SPOCK1: variants seen among roughly 807,000 people sequenced by gnomAD.
SPOCK1 encodes the protein testican-1.
Under a neutral mutation model 55.3 loss-of-function variants are expected in SPOCK1, and 23 were observed. The ratio of observed to expected loss-of-function variants is 0.42; its 90% CI spans 0.30 to 0.59. The LOEUF is 0.59. Among genes scored for constraint, SPOCK1 ranks in the 20% least tolerant of loss-of-function variants. The probability of loss-of-function intolerance (pLI) is 0.22; values close to 1 mark genes in which losing one functional copy is unlikely to be tolerated. For missense variants in SPOCK1, 499 were observed against 552.5 expected (o/e 0.90, Z 0.97); for synonymous variants, 226 against 221.0 (o/e 1.02, Z -0.20).
chr5:137,177,784 G>T (rs1019241231), intron 3 of SPOCK1, among the ~76,000 whole-genome samples: 1 of 151,616 alleles, frequency 6.6e-6, no homozygotes, highest in African/African-American at 2.4e-5. Context: ...TGATCCAGTC[G>T]AGAGAAATGA....
rs1271849184 is a variant in SPOCK1 at position 137,308,739 on chromosome 5, C to G, written c.187-41684G>C. Among the ~76,000 whole-genome samples the G allele has an allele frequency of 1.8e-4, 28 of 152,128 alleles. 2 individuals carry two copies. Among genetic ancestry groups the G allele is most frequent in the Admixed American group, 1.8e-3 (28 of 15,282 alleles). On this transcript the variant is annotated intron_variant, in intron 2 of 10. Coordinates refer to ENST00000394945, the MANE Select transcript of SPOCK1 (RefSeq NM_004598.4). Reference sequence around the variant, plus strand: ...AAACACCTATTATGGGTCTGTTTTCCTGATTGGACCCTGACAGATACACCA... The same window carrying G: ...AAACACCTATTATGGGTCTGTTTTCGTGATTGGACCCTGACAGATACACCA...
intron 3 of SPOCK1, among the ~76,000 whole-genome samples, chr5:137,152,642 G>C (rs1235894505): frequency 2.0e-5 from 3 of 152,148 alleles, no homozygotes; most frequent in Non-Finnish European, 4.4e-5. Flanking sequence ...TGACATTCTA[G>C]TTTTTGTTAA....
At chr5:137,026,976 G>T (rs996757724) in intron 6 of SPOCK1, among the ~76,000 whole-genome samples, 1 of 152,206 alleles carries the variant, frequency 6.6e-6, no homozygotes, top group South Asian at 2.1e-4. Flanking sequence ...TAGTCATTCA[G>T]TAAATATCCT....
intron 2 of SPOCK1, among the ~76,000 whole-genome samples, chr5:137,450,332 T>C (rs1466139114): frequency 6.6e-6 from 1 of 152,228 alleles, no homozygotes; most frequent in African/African-American, 2.4e-5. Flanking sequence ...CAAAGACTGC[T>C]GTGATTCTTG....
At chr5:137,442,809 C>G (rs1007140434) in intron 2 of SPOCK1, among the ~76,000 whole-genome samples, 1 of 152,198 alleles carries the variant, frequency 6.6e-6, no homozygotes, top group African/African-American at 2.4e-5. Flanking sequence ...TGCTAGGTTC[C>G]TTTTCTGGCC....
At chr5:137,423,856 A>G (rs1026245028) in intron 2 of SPOCK1, among the ~76,000 whole-genome samples, 4 of 152,074 alleles carry the variant, frequency 2.6e-5, no homozygotes, top group Non-Finnish European at 5.9e-5. Context: ...TGCAGAAATC[A>G]CCTGTCTTCT....
chr5:137,242,765 G>A (rs1302128646), intron 3 of SPOCK1, among the ~76,000 whole-genome samples: 1 of 152,084 alleles, frequency 6.6e-6, no homozygotes, highest in Non-Finnish European at 1.5e-5. Context: ...CCATACAGTT[G>A]TAGAAGAATA....
intron 6 of SPOCK1, among the ~76,000 whole-genome samples, chr5:137,059,352 A>T (rs963165792): frequency 6.6e-6 from 1 of 152,376 alleles, no homozygotes; most frequent in South Asian, 2.1e-4. Context: ...ATTATGTAGA[A>T]TATAATCCCA....
chr5:137,403,869 G>A (rs1469581489), intron 2 of SPOCK1, among the ~76,000 whole-genome samples: 1 of 152,120 alleles, frequency 6.6e-6, no homozygotes, highest in African/African-American at 2.4e-5. Context: ...TTTCCTCTGA[G>A]GGAAATGGGG....
intron 6 of SPOCK1, among the ~76,000 whole-genome samples, chr5:137,037,018 A>T (rs1751898255): frequency 6.6e-6 from 1 of 152,166 alleles, no homozygotes; most frequent in African/African-American, 2.4e-5. Flanking sequence ...TAGAACCAGC[A>T]GGTGCTCTCG....
At chr5:137,464,493 G>T (rs1753558792) in intron 2 of SPOCK1, among the ~76,000 whole-genome samples, 1 of 149,796 alleles carries the variant, frequency 6.7e-6, no homozygotes, top group Non-Finnish European at 1.5e-5. Flanking sequence ...AGATAGTGTG[G>T]CAAGAAATGG....
At chr5:137,129,432 A>C (rs1753833947) in intron 4 of SPOCK1, among the ~76,000 whole-genome samples, 1 of 152,218 alleles carries the variant, frequency 6.6e-6, no homozygotes, top group Admixed American at 6.5e-5. Context: ...GAGCTAGCCA[A>C]GTGGTCAGAC....
chr5:137,135,617 G>A (rs550667976), intron 4 of SPOCK1, among the ~76,000 whole-genome samples: 2 of 152,276 alleles, frequency 1.3e-5, no homozygotes, highest in East Asian at 3.9e-4. Context: ...TATGATCGAG[G>A]CTTACAGAAT....
At chr5:137,117,102 C>A (rs747902559) in intron 4 of SPOCK1, among the ~76,000 whole-genome samples, 1 of 152,216 alleles carries the variant, frequency 6.6e-6, no homozygotes, top group Non-Finnish European at 1.5e-5. Context: ...GGGGCACACC[C>A]AGGCTAAAAG....
Position 137,160,769 on chromosome 5 carries a change from G to A in SPOCK1, c.233-20075C>T, listed in dbSNP as rs1754539408. 2.2e-5 allele frequency among the ~76,000 whole-genome samples: 3 copies of A among 138,680 alleles called. No individual in the cohort carries two copies. The South Asian group carries it at 6.5e-4, about 30-fold the overall frequency. The allele number at this position is 138,680 out of a possible 152,430, so 91.0% of individuals were successfully genotyped here. A position where few individuals can be genotyped will look rare whatever the true frequency, so the allele number is the denominator to read the frequency against. On this transcript the variant is annotated intron_variant, in intron 3 of 10. Coordinates refer to ENST00000394945, the MANE Select transcript of SPOCK1 (RefSeq NM_004598.4). ...GAACAGGGAACACTTCTACACTGCT[G>A]GTGGGAATGTAAACTAGTACAGTCA...
intron 3 of SPOCK1, among the ~76,000 whole-genome samples, chr5:137,170,485 G>A (rs778872060): frequency 1.3e-5 from 2 of 152,116 alleles, no homozygotes; most frequent in African/African-American, 4.8e-5. Flanking sequence ...TTTGGAGATG[G>A]GGACTTTGGG....
At chr5:137,495,541 A>G (rs1345442233) in intron 2 of SPOCK1, among the ~76,000 whole-genome samples, 2 of 152,254 alleles carry the variant, frequency 1.3e-5, no homozygotes. Flanking sequence ...GACATGCATC[A>G]TAACAATAAT....
At chr5:137,442,808 C>T (rs1753042337) in intron 2 of SPOCK1, among the ~76,000 whole-genome samples, 1 of 152,218 alleles carries the variant, frequency 6.6e-6, no homozygotes, top group African/African-American at 2.4e-5. Context: ...TTGCTAGGTT[C>T]CTTTTCTGGC....
chr5:136,988,735 G>C, intron 7 of SPOCK1, 92 bp from the exon 8 acceptor site: 1 of 1,166,780 alleles, frequency 8.6e-7, no homozygotes, highest in Middle Eastern at 2.9e-4. Context: ...AAGATGCCAA[G>C]GCCCACCTGA....
Sources: allele counts gnomAD v4.1 joint callset (sites outside exome capture counted in the v4.1 genomes callset), GRCh38; gene constraint gnomAD v4.1.1; transcripts MANE v1.5; gene names NCBI Gene and HGNC (gene_info 2026-07-23, HGNC 2026-07-21).